Variants in DUOX2 observed in about 807,000 individuals in gnomAD.
DUOX2 encodes the protein dual oxidase 2.
A neutral mutation model predicts 183.3 loss-of-function variants in DUOX2; 185 were observed. The ratio of observed to expected loss-of-function variants is 1.01; its 90% CI spans 0.90 to 1.14. The LOEUF (loss-of-function observed/expected upper bound fraction) is 1.14. Among genes scored for constraint, DUOX2 ranks in the 50% most tolerant of loss-of-function variants. DUOX2 has a pLI of 0.00. For missense variants in DUOX2, 1,999 were observed against 2,022.9 expected (o/e 0.99, Z 0.23); for synonymous variants, 788 against 812.4 (o/e 0.97, Z 0.51).
chr15:45,106,160 T>C lies in DUOX2; in HGVS notation c.2113A>G (p.Thr705Ala), dbSNP rs1243809395. 2.7e-5 allele frequency: 43 copies of C among 1,613,914 alleles called. No individual in the cohort carries two copies. Among genetic ancestry groups the C allele is most frequent in the Non-Finnish European group, 3.3e-5 (39 of 1,180,008 alleles). The change falls in exon 17 of 34, where the codon ACC (threonine) becomes GCC (alanine). Residue 705 changes from threonine to alanine, a missense_variant. By Grantham distance (58) the Thr-to-Ala change is moderately conservative (BLOSUM62 0). Around this residue, in one of 3 missense-constraint regions of DUOX2, gnomAD observed 1,628 missense variants for 1,608.6 expected, o/e 1.01. Coordinates refer to ENST00000389039, the MANE Select transcript of DUOX2 (RefSeq NM_001363711.2). The stretch of plus-strand genomic sequence containing the variant: ...TCCTTAGGGATCTTGAGCAGCAGGG[T>C]GCGGCATCCTCGGTTGTTGGACAGG... ...LILSNNRGCRTLLLKIPKEYD... is the reference protein window; with the variant it reads ...LILSNNRGCRALLLKIPKEYD...
chr15:45,110,823 T>C lies in DUOX2; in HGVS notation c.883-113A>G, dbSNP rs1894373018. On this transcript the variant is annotated intron_variant, in intron 7 of 33. Coordinates refer to ENST00000389039, the MANE Select transcript of DUOX2 (RefSeq NM_001363711.2). ...AGATGAGACCAGGAAGGGTCAATCATGGGAGAAGCAACTCAGACAGGAGCA... is the reference window on the plus strand; with the variant it reads ...AGATGAGACCAGGAAGGGTCAATCACGGGAGAAGCAACTCAGACAGGAGCA... The C allele has an allele frequency of 1.2e-5, 18 of 1,529,654 alleles. No homozygotes were observed. The South Asian group carries it at 1.8e-4, about 15-fold the overall frequency. 94.8% of individuals were successfully genotyped at this position (1,529,654 alleles called of 1,614,324 possible).
chr15:45,095,295 T>G, intron 31 of DUOX2, 142 bp downstream of exon 31: 1 of 1,440,348 alleles, frequency 6.9e-7, no homozygotes, highest in South Asian at 1.2e-5. Flanking sequence ...CCTCCAAGTT[T>G]GGCATCTCAA....
chr15:45,101,749 A>C, intron 21 of DUOX2, 44 bp downstream of exon 21: 1 of 1,613,446 alleles, frequency 6.2e-7, no homozygotes, highest in South Asian at 1.1e-5. Flanking sequence ...CATTTTGAGG[A>C]CACGCCCCCC....
In DUOX2 at chr15:45,104,053, C is replaced by G. The variant is rs1296928111; in HGVS notation, c.2561G>C (p.Gly854Ala). The G allele has an allele frequency of 1.2e-5, 20 of 1,613,950 alleles. No homozygotes were observed. Among genetic ancestry groups the G allele is most frequent in the Non-Finnish European group, 1.6e-5 (19 of 1,179,960 alleles). ...TAGACGGGACTTATCCTCTGGGGAG[C>G]CTGGGAAGAAAAAAGGGAATGCAGG... ...FLDILVVFMK[G>A]SPEDKSRLMF... The change falls in exon 20 of 34, where the codon GGC becomes GCC. Residue 854 changes from glycine to alanine, a missense_variant and splice_region_variant. Physicochemically the swap from Gly to Ala is moderately conservative, Grantham distance 60. This residue lies in a region of DUOX2 where 1,628 missense variants were observed against 1,608.6 expected (regional missense o/e 1.01). Transcript: ENST00000389039.
Position 45,108,542 on chromosome 15 carries a change from A to G in DUOX2, c.1398+247T>C, listed in dbSNP as rs1894292873. 1.6e-5 allele frequency: 10 copies of G among 619,332 alleles called. No individual in the cohort carries two copies. In the East Asian group the frequency reaches 2.6e-4, roughly 16 times the overall value. 38.4% of individuals were successfully genotyped at this position (619,332 alleles called of 1,614,324 possible). A position where few individuals can be genotyped will look rare whatever the true frequency, so the allele number is the denominator to read the frequency against. On this transcript the variant is annotated intron_variant, in intron 12 of 33. Coordinates refer to ENST00000389039, the MANE Select transcript of DUOX2 (RefSeq NM_001363711.2). ...CTGCAGCAACAGGACAATGGCACCCAACCCAGAAGCCACCCTGCAGGAATG... is the reference window on the plus strand; with the variant it reads ...CTGCAGCAACAGGACAATGGCACCCGACCCAGAAGCCACCCTGCAGGAATG...
rs202111673 is a variant in DUOX2 at position 45,095,058 on chromosome 15, G to C, written c.4273C>G (p.Gln1425Glu). ...YFIWVTRTQR[Q>E]FEWLADIIQE... Reference sequence around the variant, plus strand: ...ATGATGTCAGCCAGCCACTCAAACTGACGCTGGGTCCGTGTCACCCAGATG... The same window carrying C: ...ATGATGTCAGCCAGCCACTCAAACTCACGCTGGGTCCGTGTCACCCAGATG... The change falls in exon 32 of 34, where the codon CAG (glutamine) becomes GAG (glutamate). Residue 1425 changes from glutamine (Q) to glutamate (E), a missense_variant. Gln to Glu is a conservative substitution (Grantham distance 29, BLOSUM62 2). Around this residue, in one of 3 missense-constraint regions of DUOX2, gnomAD observed 1,628 missense variants for 1,608.6 expected, o/e 1.01. Coordinates refer to ENST00000389039, the MANE Select transcript of DUOX2 (RefSeq NM_001363711.2). 2.5e-4 allele frequency: 407 copies of C among 1,614,120 alleles called. 1 individual carries two copies. Among genetic ancestry groups the C allele is most frequent in the Non-Finnish European group, 3.3e-4 (390 of 1,180,024 alleles).
chr15:45,102,843 G>A (rs1436953150), intron 20 of DUOX2, among the ~76,000 whole-genome samples: 6 of 152,176 alleles, frequency 3.9e-5, no homozygotes, highest in Non-Finnish European at 8.8e-5. Flanking sequence ...TTAGCTGGAC[G>A]TGGTGGCACA....
At position 45,108,848 on chromosome 15, in the gene DUOX2, C is replaced by A. The variant is rs764760680; in HGVS notation, c.1339G>T (p.Ala447Ser). ...TTCCTTGGGATGTCCAGCCCAAAGG[C>A]CAGCAGGGCCTGGCTATAGCTGGGC... is the stretch of plus-strand genomic sequence containing the variant. ...GLPSYSQALL[A>S]FGLDIPRNWS... Residue 447 changes from alanine (A) to serine (S), a missense_variant, in exon 12 of 34, where the codon GCC becomes TCC. Physicochemically the swap from Ala to Ser is moderately conservative, Grantham distance 99. Around this residue, in one of 3 missense-constraint regions of DUOX2, gnomAD observed 1,628 missense variants for 1,608.6 expected, o/e 1.01. Transcript: ENST00000389039. 4 of 1,614,126 alleles carry A rather than the reference C, an allele frequency of 2.5e-6. No individual in the cohort carries two copies. Among genetic ancestry groups the A allele is most frequent in the Non-Finnish European group, 3.4e-6 (4 of 1,180,054 alleles).
Position 45,104,309 on chromosome 15 carries a change from C to T in DUOX2, c.2391G>A (p.Lys797=). The T allele has an allele frequency of 6.2e-7, 1 of 1,614,096 alleles. No homozygotes were observed. The highest frequency in any genetic ancestry group is 8.5e-7 in the Non-Finnish European group (1 of 1,180,000). Residue 797 remains lysine, a synonymous_variant, in exon 19 of 34, where the codon AAG becomes AAA. Coordinates refer to ENST00000389039, the MANE Select transcript of DUOX2 (RefSeq NM_001363711.2). ...AGTLPLDSSQ[K]VREALTCELS... is the part of the protein sequence containing the mutation. ...GCTCGCAGGTCAGGGCCTCCCGCAC[C>T]TTCTGGGAGGAGTCCAGGGGCAGGG...
chr15:45,101,567 G>T, intron 21 of DUOX2: 1 of 637,254 alleles, frequency 1.6e-6, no homozygotes. Flanking sequence ...CGGTGGCTTT[G>T]AGCAGTGTGT....
Position 45,113,024 on chromosome 15 carries a change from C to G in DUOX2, c.123G>C (p.Trp41Cys). ...LPWEVQRYDG[W>C]FNNLRHHERG... ...GCTCGTGGTGCCTCAGGTTGTTAAA[C>G]CAGCCGTCATAGCGCTGCACTTCCC... Residue 41 changes from tryptophan to cysteine, a missense_variant, in exon 3 of 34, where the codon TGG (tryptophan) becomes TGC (cysteine). Transcript: ENST00000389039. 6.2e-7 allele frequency: 1 copy of G among 1,613,968 alleles called. No individual in the cohort carries two copies. Among genetic ancestry groups the G allele is most frequent in the Non-Finnish European group, 8.5e-7 (1 of 1,180,008 alleles).
intron 20 of DUOX2, 53 bp from the exon 21 acceptor site, chr15:45,102,042 G>A: frequency 6.2e-7 from 1 of 1,602,922 alleles, no homozygotes; most frequent in Non-Finnish European, 8.5e-7. Context: ...GTCAGGCTTG[G>A]GTAGGTGCAG....
In DUOX2 at chr15:45,106,529, T is replaced by G. The variant is rs376336403; in HGVS notation, c.1944A>C (p.Pro648=). ...VKKEAAKDGV[P]AMEWPGPKER... ...CTCCTCTGCCCAGCCCCTGCTCACC[T>G]GGCACTCCATCTTTGGCTGCTTCCT... is the stretch of plus-strand genomic sequence containing the variant. Residue 648 remains proline, a splice_region_variant and synonymous_variant, in exon 16 of 34, where the codon CCA becomes CCC. Coordinates refer to ENST00000389039, the MANE Select transcript of DUOX2 (RefSeq NM_001363711.2). The G allele has an allele frequency of 6.2e-7, 1 of 1,613,974 alleles. No homozygotes were observed. The highest frequency in any genetic ancestry group is 8.5e-7 in the Non-Finnish European group (1 of 1,179,978).
chr15:45,100,635 G>A (rs1186104485), intron 23 of DUOX2, 120 bp downstream of exon 23: 2 of 895,396 alleles, frequency 2.2e-6, no homozygotes, highest in African/African-American at 3.3e-5. Flanking sequence ...GTCAGGTCAG[G>A]AACAAATGGA....
chr15:45,097,557 C>A (rs1300459856), intron 28 of DUOX2, 57 bp downstream of exon 28: 1 of 1,613,622 alleles, frequency 6.2e-7, no homozygotes, highest in Admixed American at 1.7e-5. Context: ...CCTCTTTCAC[C>A]TTCCTGTCCC....
chr15:45,111,538 GGAGCCATAGA>G lies in DUOX2; in HGVS notation c.551_560del (p.Ile184ThrfsTer134). On this transcript the variant is annotated frameshift_variant, in exon 6 of 34. Transcript: ENST00000389039. LOFTEE classifies it high-confidence loss of function. ...GCAGCGCGTCGCTCCAGGAGTGCGA[GGAGCCATAGA>G]TGGCGCTGCCGTCCAGCCAGCCCGT... 1 of 1,555,904 alleles carries G rather than the reference GGAGCCATAGA, an allele frequency of 6.4e-7. No individual in the cohort carries two copies. Among genetic ancestry groups the G allele is most frequent in the South Asian group, 1.2e-5 (1 of 84,612 alleles).
Position 45,094,191 on chromosome 15 carries a change from G to T in DUOX2, c.4606C>A (p.Gln1536Lys), listed in dbSNP as rs2141138512. The change falls in exon 34 of 34, where the codon CAG becomes AAG. Residue 1536 changes from glutamine (Q) to lysine (K), a missense_variant. Around this residue, in one of 3 missense-constraint regions of DUOX2, gnomAD observed 1,628 missense variants for 1,608.6 expected, o/e 1.01. Transcript: ENST00000389039. ...VEKACQLVNR[Q>K]DRAHFMHHYE... ...TGGTGCATGAAGTGGGCTCGGTCCTGCCTGTTGACGAGCTGACAGGCCTTC... is the reference window on the plus strand; with the variant it reads ...TGGTGCATGAAGTGGGCTCGGTCCTTCCTGTTGACGAGCTGACAGGCCTTC... 1.2e-6 allele frequency: 2 copies of T among 1,614,150 alleles called. No homozygotes were observed. The highest frequency in any genetic ancestry group is 4.5e-5 in the East Asian group (2 of 44,864).
rs1893853747 is a variant in DUOX2, at chr15:45,094,672, A to C, written c.4415T>G (p.Phe1472Cys). Residue 1472 changes from phenylalanine to cysteine, a missense_variant, in exon 33 of 34, where the codon TTC (phenylalanine) becomes TGC (cysteine). Phe to Cys is a radical substitution (Grantham distance 205, BLOSUM62 -2). This residue lies in a region of DUOX2 where 1,628 missense variants were observed against 1,608.6 expected (regional missense o/e 1.01). Coordinates refer to ENST00000389039, the MANE Select transcript of DUOX2 (RefSeq NM_001363711.2). ...TTMLYICERHFQKVLNRSLFT... is the reference protein window; with the variant it reads ...TTMLYICERHCQKVLNRSLFT... ...CAGACTCCGGTTCAGCACTTTCTGG[A>C]AGTGCCGCTCGCAGATGTACTGGGG... is the stretch of plus-strand genomic sequence containing the variant. The C allele has an allele frequency of 1.2e-6, 2 of 1,614,064 alleles. No individual in the cohort carries two copies. Among genetic ancestry groups the C allele is most frequent in the Non-Finnish European group, 1.7e-6 (2 of 1,179,988 alleles).
intron 28 of DUOX2, 95 bp downstream of exon 28, chr15:45,097,519 T>C: frequency 6.2e-7 from 1 of 1,612,150 alleles, no homozygotes; most frequent in Non-Finnish European, 8.5e-7. Context: ...TCTCAAAGTC[T>C]CATTCTGAGA....
Sources: allele counts gnomAD v4.1 joint callset (sites outside exome capture counted in the v4.1 genomes callset), GRCh38; gene constraint gnomAD v4.1.1; regional missense constraint gnomAD v4.1.1; transcripts MANE v1.5; gene names NCBI Gene and HGNC (gene_info 2026-07-23, HGNC 2026-07-21).